Variants in JHY observed in about 807,000 individuals in gnomAD.
The protein encoded by JHY is jhy protein homolog.
Under a neutral mutation model 78.0 loss-of-function variants are expected in JHY, and 69 were observed. The observed-to-expected ratio is 0.88, with a 90% confidence interval of 0.73 to 1.08. The LOEUF (loss-of-function observed/expected upper bound fraction) is 1.08, where lower values mean the gene tolerates loss of function less well. Ranked by LOEUF, JHY falls within the 50% of genes least tolerant of loss-of-function variation. The probability of loss-of-function intolerance (pLI) is 0.00; values close to 1 mark genes in which losing one functional copy is unlikely to be tolerated. For synonymous variants in JHY, 368 were observed against 342.6 expected, an observed-to-expected ratio of 1.07 and a Z score of -0.82; for missense variants, 944 against 927.8, an observed-to-expected ratio of 1.02 and a Z score of -0.23.
At chr11:122,923,490 T>C (rs1445635542) in intron 3 of JHY, among the ~76,000 whole-genome samples, 1 of 152,162 alleles carries the variant, frequency 6.6e-6, no homozygotes, top group Non-Finnish European at 1.5e-5. Context: ...AGCATTAAGA[T>C]TGCATAACTT....
chr11:122,893,695 G>T (rs1161090729), intron 2 of JHY, among the ~76,000 whole-genome samples: 1 of 152,046 alleles, frequency 6.6e-6, no homozygotes, highest in African/African-American at 2.4e-5. Context: ...TGAAAATATA[G>T]AAAACTTTAA....
In JHY at chr11:122,945,802, G is replaced by A. The variant is rs189457447; in HGVS notation, c.1635-696G>A. 2.6e-5 allele frequency among the ~76,000 whole-genome samples: 4 copies of A among 152,304 alleles called. No homozygotes were observed. The East Asian group carries it at 7.7e-4, about 29-fold the overall frequency. On this transcript the variant is annotated intron_variant, in intron 5 of 8. Transcript: ENST00000227349. The stretch of plus-strand genomic sequence containing the variant: ...TAGATATTCACAAGAGCTTGTTGTT[G>A]TTGTTGGGTTTTTTGGAGAGAGTGG...
intron 6 of JHY, among the ~76,000 whole-genome samples, chr11:122,950,427 T>A (rs1864063062): frequency 6.6e-6 from 1 of 152,218 alleles, no homozygotes; most frequent in African/African-American, 2.4e-5. Flanking sequence ...GTTGGGGTTC[T>A]TGCCAATGAT....
intron 2 of JHY, among the ~76,000 whole-genome samples, chr11:122,896,436 C>CCTTAT (rs1862742935): frequency 6.6e-6 from 1 of 151,208 alleles, no homozygotes; most frequent in South Asian, 2.1e-4. Flanking sequence ...TGGAGTTTTA[C>CCTTAT]CTTATTCATC....
intron 6 of JHY, among the ~76,000 whole-genome samples, chr11:122,953,503 G>A (rs891704019): frequency 2.0e-5 from 3 of 151,528 alleles, no homozygotes; most frequent in South Asian, 4.2e-4. Flanking sequence ...TTGGGAGGCT[G>A]AGGCAGGAGA....
intron 4 of JHY, among the ~76,000 whole-genome samples, chr11:122,930,305 C>G (rs553916471): frequency 6.6e-6 from 1 of 152,070 alleles, no homozygotes; most frequent in Non-Finnish European, 1.5e-5. Context: ...GGTCTCAACT[C>G]CTGACCTCAA....
rs2135275658 is a variant in JHY, at chr11:122,885,802, G to A, written c.-48G>A. 2.1e-6 allele frequency: 3 copies of A among 1,408,862 alleles called. No homozygotes were observed. Among genetic ancestry groups the A allele is most frequent in the Middle Eastern group, 3.7e-4 (2 of 5,466 alleles). 87.3% of individuals were successfully genotyped at this position (1,408,862 alleles called of 1,614,324 possible). A position where few individuals can be genotyped will look rare whatever the true frequency, so the allele number is the denominator to read the frequency against. On this transcript the variant is annotated 5_prime_UTR_variant, in exon 2 of 9. Transcript: ENST00000227349. ...CCACAACTTTAAATATCAGCCAGCT[G>A]CTCCTATCAACACGAGTATCCCCTG...
chr11:122,945,662 C>T (rs768422692), intron 5 of JHY, among the ~76,000 whole-genome samples: 2 of 152,196 alleles, frequency 1.3e-5, no homozygotes, highest in African/African-American at 2.4e-5. Flanking sequence ...GTATTTGCTT[C>T]TGCCAGATAC....
intron 4 of JHY, among the ~76,000 whole-genome samples, chr11:122,932,833 T>A (rs1202319913): frequency 6.6e-6 from 1 of 152,184 alleles, no homozygotes; most frequent in African/African-American, 2.4e-5. Flanking sequence ...ATTTACTGCA[T>A]GGAAGGAATA....
chr11:122,939,953 C>T (rs890983377), intron 5 of JHY, among the ~76,000 whole-genome samples: 1 of 127,454 alleles, frequency 7.8e-6, no homozygotes, highest in Non-Finnish European at 1.7e-5. Flanking sequence ...CTCCAAAAAG[C>T]CTTTTACAGC....
At chr11:122,927,547 A>G (rs934951482) in intron 4 of JHY, among the ~76,000 whole-genome samples, 5 of 151,870 alleles carry the variant, frequency 3.3e-5, no homozygotes, top group African/African-American at 7.3e-5. Flanking sequence ...CCCAAGTCCA[A>G]TGCCTTCTTT....
chr11:122,905,340 C>T, intron 3 of JHY: 1 of 1,546,226 alleles, frequency 6.5e-7, no homozygotes, highest in East Asian at 2.3e-5. Flanking sequence ...GTCCACCACT[C>T]TTACTGGAAA....
intron 5 of JHY, among the ~76,000 whole-genome samples, chr11:122,938,411 T>C (rs1863802166): frequency 6.6e-6 from 1 of 152,162 alleles, no homozygotes; most frequent in African/African-American, 2.4e-5. Context: ...ATTTTTTTGT[T>C]GTTGTTTCTG....
chr11:122,888,513 A>T (rs966991667), intron 2 of JHY, among the ~76,000 whole-genome samples: 4 of 151,960 alleles, frequency 2.6e-5, no homozygotes, highest in African/African-American at 9.7e-5. Flanking sequence ...TGCTTGGAGG[A>T]TGTCCTTGTT....
At chr11:122,891,287 T>A (rs1342059039) in intron 2 of JHY, among the ~76,000 whole-genome samples, 1 of 152,222 alleles carries the variant, frequency 6.6e-6, no homozygotes, top group Non-Finnish European at 1.5e-5. Flanking sequence ...TTGATGTTAC[T>A]AGAACCTCCT....
chr11:122,958,891 A>G, intron 8 of JHY: 1 of 985,244 alleles, frequency 1.0e-6, no homozygotes, highest in Non-Finnish European at 1.2e-6. Flanking sequence ...AGAAAGGTCT[A>G]TTAATATCTC....
rs1591402780 is a variant in JHY, at chr11:122,956,717, TA to T, written c.2010+142del. Reference sequence around the variant, plus strand: ...TAGAGACCTTCTGAAATAATCTTGGTATAGAGACCCAGACACGTGCCTTTTG... The same window carrying T: ...TAGAGACCTTCTGAAATAATCTTGGTTAGAGACCCAGACACGTGCCTTTTG... On this transcript the variant is annotated intron_variant, in intron 7 of 8. Transcript: ENST00000227349. 1.9e-5 allele frequency: 11 copies of T among 590,982 alleles called. No homozygotes were observed. The Admixed American group carries it at 3.8e-4, about 21-fold the overall frequency. The allele number at this position is 590,982 out of a possible 1,614,324, so 36.6% of individuals were successfully genotyped here.
rs556537341 is a variant in JHY at position 122,959,019 on chromosome 11, A to G, written c.2140-229A>G. ...AAAAGCATCCAAAGGACACAACCGT[A>G]TGTATTATTCTTCAACTCCTTTTTT... On this transcript the variant is annotated intron_variant, in intron 8 of 8. Transcript: ENST00000227349. The G allele has an allele frequency of 1.1e-4, 104 of 984,276 alleles. 1 individual carries two copies. The South Asian group carries it at 4.3e-3, about 40-fold the overall frequency. 61.0% of individuals were successfully genotyped at this position (984,276 alleles called of 1,614,324 possible). A position where few individuals can be genotyped will look rare whatever the true frequency, so the allele number is the denominator to read the frequency against.
chr11:122,955,545 A>C (rs1864172616), intron 6 of JHY, among the ~76,000 whole-genome samples: 1 of 152,162 alleles, frequency 6.6e-6, no homozygotes, highest in Non-Finnish European at 1.5e-5. Context: ...CCATAATCTA[A>C]TCAGTCAGTT....
Sources: gnomAD v4.1 joint callset for allele counts (sites outside exome capture counted in the v4.1 genomes callset) on GRCh38, gnomAD v4.1.1 for gene constraint, MANE v1.5 for transcripts, NCBI Gene and HGNC (gene_info 2026-07-23, HGNC 2026-07-21) for gene names.